CNTN6: variants seen among roughly 807,000 people sequenced by gnomAD.
CNTN6 encodes contactin-6.
CNTN6 carries 137 observed loss-of-function variants against 122.8 expected under a neutral mutation model. The ratio of observed to expected loss-of-function variants is 1.12; its 90% CI spans 0.97 to 1.29. CNTN6 has a LOEUF of 1.29. CNTN6 is among the 50% of genes most tolerant of loss of function. The probability of loss-of-function intolerance (pLI) is 0.00; values close to 1 mark genes in which losing one functional copy is unlikely to be tolerated. For missense variants in CNTN6, 1,634 were observed against 1,223.4 expected, an observed-to-expected ratio of 1.34 and a Z score of -5.01; for synonymous variants, 570 against 426.0, an observed-to-expected ratio of 1.34 and a Z score of -4.16.
intron 11 of CNTN6, among the ~76,000 whole-genome samples, chr3:1,334,400 C>G (rs979322744): frequency 6.7e-6 from 1 of 148,950 alleles, no homozygotes; most frequent in Non-Finnish European, 1.5e-5. Context: ...TTTGAGGCCA[C>G]TATTTCCTGG....
intron 4 of CNTN6, among the ~76,000 whole-genome samples, chr3:1,252,964 A>G (rs950437343): frequency 6.6e-6 from 1 of 152,206 alleles, no homozygotes; most frequent in African/African-American, 2.4e-5. Flanking sequence ...AGCATGAACA[A>G]TGTCGGGAAG....
intron 1 of CNTN6, among the ~76,000 whole-genome samples, chr3:1,145,327 A>G (rs1559393959): frequency 6.6e-6 from 1 of 152,196 alleles, no homozygotes; most frequent in East Asian, 1.9e-4. Flanking sequence ...TATTATAGCC[A>G]AAGAAATAGA....
intron 2 of CNTN6, among the ~76,000 whole-genome samples, chr3:1,217,961 T>C (rs2094151049): frequency 6.6e-6 from 1 of 152,208 alleles, no homozygotes. Flanking sequence ...CCTCATCCTC[T>C]TCCCCTTCCC....
chr3:1,285,527 G>A (rs1297617158), intron 5 of CNTN6, among the ~76,000 whole-genome samples: 1 of 152,142 alleles, frequency 6.6e-6, no homozygotes, highest in Non-Finnish European at 1.5e-5. Context: ...TACATAATTG[G>A]ATAAGATAAT....
At chr3:1,267,528 C>T (rs1321473772) in intron 4 of CNTN6, among the ~76,000 whole-genome samples, 1 of 152,118 alleles carries the variant, frequency 6.6e-6, no homozygotes, top group Non-Finnish European at 1.5e-5. Flanking sequence ...TCTCACGGTA[C>T]ACCTCTATAG....
At chr3:1,329,633 C>T in intron 10 of CNTN6, 152 bp from the exon 11 acceptor site, 1 of 538,296 alleles carries the variant, frequency 1.9e-6, no homozygotes, top group South Asian at 3.7e-5. Flanking sequence ...AATGTTAAGT[C>T]AGTATTTGGT....
chr3:1,343,415 T>G (rs1282012491), intron 11 of CNTN6, among the ~76,000 whole-genome samples: 4 of 152,116 alleles, frequency 2.6e-5, no homozygotes, highest in Non-Finnish European at 4.4e-5. Context: ...AGAAAGTCAC[T>G]TCAATGATCA....
intron 10 of CNTN6, among the ~76,000 whole-genome samples, chr3:1,328,008 A>G (rs1701779914): frequency 6.6e-6 from 1 of 151,890 alleles, no homozygotes; most frequent in Non-Finnish European, 1.5e-5. Flanking sequence ...TCAACTTGAC[A>G]AAATCCTTTA....
chr3:1,283,371 C>A (rs911716521), intron 5 of CNTN6, among the ~76,000 whole-genome samples: 1 of 152,124 alleles, frequency 6.6e-6, no homozygotes, highest in Non-Finnish European at 1.5e-5. Flanking sequence ...TTCTCACTCA[C>A]CTCCAAAGTG....
At chr3:1,386,920 T>G (rs961585611) in intron 20 of CNTN6, among the ~76,000 whole-genome samples, 3 of 152,308 alleles carry the variant, frequency 2.0e-5, no homozygotes, top group East Asian at 3.9e-4. Context: ...ATGCGTATAT[T>G]TGTCATGTCC....
At chr3:1,156,088 A>T (rs1279896525) in intron 2 of CNTN6, among the ~76,000 whole-genome samples, 1 of 152,076 alleles carries the variant, frequency 6.6e-6, no homozygotes, top group Non-Finnish European at 1.5e-5. Context: ...ACTCTCCTTC[A>T]TGTATCCTTT....
intron 7 of CNTN6, among the ~76,000 whole-genome samples, chr3:1,299,297 A>G (rs1696801971): frequency 6.6e-6 from 1 of 152,144 alleles, no homozygotes; most frequent in Non-Finnish European, 1.5e-5. Context: ...TAAGGTTTAT[A>G]AAAATATTAA....
chr3:1,373,836 A>G, intron 15 of CNTN6, 74 bp downstream of exon 15: 1 of 1,462,732 alleles, frequency 6.8e-7, no homozygotes, highest in Non-Finnish European at 9.1e-7. Flanking sequence ...ATGCAATTAC[A>G]TTTTAAATTA....
In CNTN6 at chr3:1,108,073, C is replaced by T. The variant is rs570287100; in HGVS notation, c.-83+14953C>T. Among the ~76,000 whole-genome samples, 13 of 152,046 alleles carry T rather than the reference C, an allele frequency of 8.6e-5. No homozygotes were observed. The East Asian group carries it at 1.4e-3, about 16-fold the overall frequency. On this transcript the variant is annotated intron_variant, in intron 1 of 22. Transcript: ENST00000446702. ...TAGATAGCTCCCAGCATCTACATCC[C>T]GTTTTCAATTTTATTTCTAATAAAA... is the stretch of plus-strand genomic sequence containing the variant.
intron 10 of CNTN6, among the ~76,000 whole-genome samples, chr3:1,328,019 C>G (rs181442152): frequency 6.6e-6 from 1 of 151,964 alleles, no homozygotes; most frequent in East Asian, 2.0e-4. Flanking sequence ...AAATCCTTTA[C>G]ACCTTCCCTT....
intron 1 of CNTN6, among the ~76,000 whole-genome samples, chr3:1,115,269 A>G (rs2091668097): frequency 6.6e-6 from 1 of 152,198 alleles, no homozygotes; most frequent in African/African-American, 2.4e-5. Context: ...AGCCACAATG[A>G]TGAGCACAGA....
At chr3:1,304,564 A>G (rs1326532046) in intron 7 of CNTN6, among the ~76,000 whole-genome samples, 3 of 152,182 alleles carry the variant, frequency 2.0e-5, no homozygotes, top group African/African-American at 7.2e-5. Flanking sequence ...ATTTTACAAG[A>G]AAAAGGCTTG....
chr3:1,398,569 T>C (rs527535009), intron 20 of CNTN6, among the ~76,000 whole-genome samples: 28 of 152,232 alleles, frequency 1.8e-4, no homozygotes, highest in Non-Finnish European at 2.5e-4. Flanking sequence ...AACTGAAAAA[T>C]TGATTATGTC....
At chr3:1,298,586 A>G (rs1185000595) in intron 7 of CNTN6, among the ~76,000 whole-genome samples, 2 of 152,160 alleles carry the variant, frequency 1.3e-5, no homozygotes, top group African/African-American at 2.4e-5. Context: ...ACATTTTTGC[A>G]TGGGATATCT....
Sources: allele counts gnomAD v4.1 joint callset (sites outside exome capture counted in the v4.1 genomes callset), GRCh38; gene constraint gnomAD v4.1.1; transcripts MANE v1.5; gene names NCBI Gene and HGNC (gene_info 2026-07-23, HGNC 2026-07-21).